Variants in EXT2 observed in about 807,000 individuals in gnomAD.
EXT2 encodes the protein exostosin glycosyltransferase 2.
EXT2 carries 53 observed loss-of-function variants against 81.6 expected under a neutral mutation model. The ratio of observed to expected loss-of-function variants is 0.65; its 90% CI spans 0.52 to 0.82. The LOEUF is 0.82. Ranked by LOEUF, EXT2 falls within the 40% of genes least tolerant of loss-of-function variation. EXT2 has a pLI of 0.00. For missense variants in EXT2, 774 were observed against 910.2 expected (o/e 0.85, Z 1.93); for synonymous variants, 320 against 340.0 (o/e 0.94, Z 0.65).
At chr11:44,153,321 G>T (rs1954816958) in intron 7 of EXT2, among the ~76,000 whole-genome samples, 1 of 152,066 alleles carries the variant, frequency 6.6e-6, no homozygotes, top group Admixed American at 6.6e-5. Context: ...CTTATTCATT[G>T]CTAGTGTATA....
At chr11:44,115,403 A>G (rs1321672152) in intron 4 of EXT2, among the ~76,000 whole-genome samples, 1 of 151,960 alleles carries the variant, frequency 6.6e-6, no homozygotes, top group East Asian at 1.9e-4. Context: ...CTTGGCTCAT[A>G]TTTTAGTATG....
intron 8 of EXT2, among the ~76,000 whole-genome samples, chr11:44,175,778 A>G (rs1312597576): frequency 6.6e-6 from 1 of 152,192 alleles, no homozygotes; most frequent in East Asian, 1.9e-4. Flanking sequence ...CATATAAAGG[A>G]AAGAAAGAGG....
intron 1 of EXT2, among the ~76,000 whole-genome samples, chr11:44,102,286 A>G (rs1005516694): frequency 6.6e-6 from 1 of 152,168 alleles, no homozygotes; most frequent in East Asian, 1.9e-4. Flanking sequence ...CCAATAGTGG[A>G]TAGGTGTTGC....
intron 4 of EXT2, among the ~76,000 whole-genome samples, chr11:44,119,945 C>A (rs1954292665): frequency 6.6e-6 from 1 of 152,196 alleles, no homozygotes; most frequent in Admixed American, 6.5e-5. Flanking sequence ...CCACTTGAAC[C>A]AAACTCTCTC....
At chr11:44,100,929 T>C (rs1953972450) in intron 1 of EXT2, among the ~76,000 whole-genome samples, 1 of 152,318 alleles carries the variant, frequency 6.6e-6, no homozygotes, top group East Asian at 1.9e-4. Flanking sequence ...TCTTCTTGCC[T>C]GGACACTGTG....
chr11:44,228,251 A>T (rs377205925), intron 10 of EXT2, among the ~76,000 whole-genome samples: 2 of 152,348 alleles, frequency 1.3e-5, no homozygotes, highest in South Asian at 4.1e-4. Flanking sequence ...GAATAATATA[A>T]CTGTGGAAGC....
intron 4 of EXT2, chr11:44,115,769 C>T (rs1005651575): frequency 6.6e-6 from 1 of 152,174 alleles, no homozygotes; most frequent in African/African-American, 2.4e-5. Flanking sequence ...CATCTCTCTC[C>T]TGTTTGTGTT....
At chr11:44,187,593 A>C (rs527682708) in intron 8 of EXT2, among the ~76,000 whole-genome samples, 1 of 152,202 alleles carries the variant, frequency 6.6e-6, no homozygotes. Context: ...AAGTGTTGAT[A>C]ATTATAAGGT....
chr11:44,141,156 A>G (rs1020807990), intron 7 of EXT2, among the ~76,000 whole-genome samples: 7 of 152,180 alleles, frequency 4.6e-5, no homozygotes, highest in African/African-American at 1.7e-4. Context: ...TTTGCATATG[A>G]CCTATGTATA....
intron 10 of EXT2, among the ~76,000 whole-genome samples, chr11:44,227,414 T>C (rs559450430): frequency 1.3e-5 from 2 of 152,294 alleles, no homozygotes; most frequent in East Asian, 3.9e-4. Context: ...AGATAAAAAA[T>C]CTCAGCTGTT....
At position 44,237,247 on chromosome 11, in the gene EXT2, A is replaced by G. The variant is rs74650802; in HGVS notation, c.2018+872A>G. On this transcript the variant is annotated intron_variant, in intron 13 of 13. Coordinates refer to ENST00000533608, the MANE Select transcript of EXT2 (RefSeq NM_207122.2). ...AATTCATTTCTGAAATCTGTCAGCT[A>G]TATTAGAATTCTTCAAGCCTAGAGA... Among the ~76,000 whole-genome samples the G allele has an allele frequency of 3.0e-4, 45 of 152,118 alleles. 1 individual carries two copies. The East Asian group carries it at 7.3e-3, about 25-fold the overall frequency.
intron 7 of EXT2, among the ~76,000 whole-genome samples, chr11:44,169,776 G>A (rs115835374): frequency 3.2e-3 from 485 of 151,832 alleles, no homozygotes; most frequent in African/African-American, 0.011. Context: ...TATTTCCTTT[G>A]AGCATCATGT....
In EXT2 at chr11:44,116,475, C is replaced by T. The variant is rs1485574163; in HGVS notation, c.743+2174C>T. ...CTCTTATGAATAATGCTGCTATGAA[C>T]ATTTGTATACAAGTTTGTATGTAAA... On this transcript the variant is annotated intron_variant, in intron 4 of 13. Transcript: ENST00000533608. 9 of 152,318 alleles carry T rather than the reference C, an allele frequency of 5.9e-5. No homozygotes were observed. In the East Asian group the frequency reaches 1.5e-3, roughly 26 times the overall value. The allele number at this position is 152,318 out of a possible 1,614,324, so 9.4% of individuals were successfully genotyped here.
intron 7 of EXT2, among the ~76,000 whole-genome samples, chr11:44,130,836 A>C (rs1954482318): frequency 6.6e-6 from 1 of 152,262 alleles, no homozygotes; most frequent in Non-Finnish European, 1.5e-5. Flanking sequence ...ATGTGGGAGA[A>C]GAGCAGGAAA....
chr11:44,149,619 G>C (rs1216908884), intron 7 of EXT2, among the ~76,000 whole-genome samples: 1 of 152,056 alleles, frequency 6.6e-6, no homozygotes, highest in Admixed American at 6.5e-5. Context: ...TATTGTCCTG[G>C]ACTTCATCAT....
In EXT2 at chr11:44,206,906, A is replaced by G; in HGVS notation, c.1609A>G (p.Ile537Val). 6.2e-7 allele frequency: 1 copy of G among 1,614,186 alleles called. No homozygotes were observed. The highest frequency in any genetic ancestry group is 2.2e-5 in the East Asian group (1 of 44,874). Residue 537 changes from isoleucine to valine, a missense_variant, in exon 10 of 14, where the codon ATT (isoleucine) becomes GTT (valine). By Grantham distance (29) the Ile-to-Val change is conservative. Coordinates refer to ENST00000533608, the MANE Select transcript of EXT2 (RefSeq NM_207122.2). ...DEIETEAVLA[I>V]DDDIIMLTSD... ...AATCGAGACAGAAGCTGTTCTGGCC[A>G]TTGATGATGATATCATTATGCTGAC...
Position 44,245,071 on chromosome 11 carries a change from T to G in EXT2, c.*784T>G. On this transcript the variant is annotated 3_prime_UTR_variant, in exon 14 of 14. Transcript: ENST00000533608. ...ACGCCAGGAGGAATGTCTGATACCC[T>G]CTGCATCAAGCGTAAGAAGGTCCCA... 1 of 231,772 alleles carries G rather than the reference T, an allele frequency of 4.3e-6. No homozygotes were observed. Among genetic ancestry groups the G allele is most frequent in the Non-Finnish European group, 8.5e-6 (1 of 117,116 alleles). The allele number at this position is 231,772 out of a possible 1,614,324, so 14.4% of individuals were successfully genotyped here.
chr11:44,200,519 A>G (rs1955510329), intron 9 of EXT2, among the ~76,000 whole-genome samples: 1 of 152,166 alleles, frequency 6.6e-6, no homozygotes, highest in African/African-American at 2.4e-5. Flanking sequence ...ATTTGAATTA[A>G]CATCAGGAGC....
At chr11:44,150,371 A>G (rs934837227) in intron 7 of EXT2, among the ~76,000 whole-genome samples, 2 of 152,224 alleles carry the variant, frequency 1.3e-5, no homozygotes, top group African/African-American at 4.8e-5. Context: ...CAAAACCACA[A>G]TAATGAACAA....
Sources: allele counts gnomAD v4.1 joint callset (sites outside exome capture counted in the v4.1 genomes callset), GRCh38; gene constraint gnomAD v4.1.1; transcripts MANE v1.5; gene names NCBI Gene and HGNC (gene_info 2026-07-23, HGNC 2026-07-21).